Variants in C3orf20 observed in about 807,000 individuals in gnomAD.
The protein encoded by C3orf20 is uncharacterized protein C3orf20.
C3orf20 carries 76 observed loss-of-function variants against 88.3 expected under a neutral mutation model. The observed-to-expected ratio is 0.86, with a 90% CI of 0.72 to 1.04. The LOEUF is 1.04. Ranked by LOEUF, C3orf20 falls within the 50% of genes least tolerant of loss-of-function variation. The pLI, the probability that C3orf20 is intolerant of heterozygous loss-of-function variation, is 0.00. For synonymous variants in C3orf20, 436 were observed against 437.4 expected (o/e 1.00, Z 0.04); for missense variants, 1,056 against 1,123.3 (o/e 0.94, Z 0.86).
intron 12 of C3orf20, among the ~76,000 whole-genome samples, chr3:14,747,310 T>C (rs1404334815): frequency 6.6e-6 from 1 of 152,226 alleles, no homozygotes; most frequent in African/African-American, 2.4e-5. Flanking sequence ...CAGCATGAAG[T>C]TGGCAATATT....
intron 9 of C3orf20, among the ~76,000 whole-genome samples, chr3:14,718,553 A>G (rs2034024703): frequency 6.6e-6 from 1 of 152,080 alleles, no homozygotes; most frequent in African/African-American, 2.4e-5. Flanking sequence ...GCCTCTGTTG[A>G]TTATCTGTTG....
intron 9 of C3orf20, among the ~76,000 whole-genome samples, chr3:14,719,255 C>T (rs920337016): frequency 2.6e-5 from 4 of 151,900 alleles, no homozygotes; most frequent in African/African-American, 9.7e-5. Flanking sequence ...CTGAAATGCT[C>T]AGTCTAGCAT....
intron 10 of C3orf20, among the ~76,000 whole-genome samples, chr3:14,723,912 G>T (rs567187693): frequency 6.6e-6 from 1 of 151,902 alleles, no homozygotes; most frequent in Non-Finnish European, 1.5e-5. Flanking sequence ...TGCAGCCTCC[G>T]CCTCCTAGGT....
intron 15 of C3orf20, among the ~76,000 whole-genome samples, chr3:14,762,870 A>G (rs545157011): frequency 1.3e-5 from 2 of 152,240 alleles, no homozygotes; most frequent in East Asian, 1.9e-4. Context: ...GAGTGGGGCA[A>G]CCCACTTCTG....
chr3:14,713,210 G>A lies in C3orf20; in HGVS notation c.1161-797G>A, dbSNP rs184094213. ...ATTATTGTCTTTCATCAAATTTGGG[G>A]AGTTTTCAGCCATTATTTCTTTAGA... On this transcript the variant is annotated intron_variant, in intron 7 of 16. Transcript: ENST00000253697. Among the ~76,000 whole-genome samples the A allele has an allele frequency of 3.4e-3, 516 of 152,166 alleles. 1 individual carries two copies. The highest frequency in any genetic ancestry group is 5.0e-3 in the Non-Finnish European group (339 of 67,994).
intron 12 of C3orf20, among the ~76,000 whole-genome samples, chr3:14,732,302 A>G (rs1004217876): frequency 6.6e-6 from 1 of 152,194 alleles, no homozygotes; most frequent in Non-Finnish European, 1.5e-5. Flanking sequence ...TTGGTGAAGT[A>G]TCCAAGTCTT....
chr3:14,730,462 G>A (rs1417171162), intron 12 of C3orf20, among the ~76,000 whole-genome samples: 1 of 151,420 alleles, frequency 6.6e-6, no homozygotes, highest in East Asian at 2.2e-4. Context: ...CAGGAGAATG[G>A]CGTGAACCCA....
intron 10 of C3orf20, among the ~76,000 whole-genome samples, chr3:14,724,871 G>T (rs2034293641): frequency 6.6e-6 from 1 of 152,156 alleles, no homozygotes; most frequent in African/African-American, 2.4e-5. Context: ...GCATGGTTTG[G>T]CAGTGCAGTA....
intron 15 of C3orf20, chr3:14,767,564 C>G (rs2035749504): frequency 6.6e-6 from 1 of 152,240 alleles, no homozygotes; most frequent in East Asian, 1.9e-4. Context: ...GATGACTGCA[C>G]CTGTGATGAC....
chr3:14,702,394 A>AT (rs1489208358), intron 5 of C3orf20, among the ~76,000 whole-genome samples: 1 of 150,074 alleles, frequency 6.7e-6, no homozygotes, highest in Non-Finnish European at 1.5e-5. Flanking sequence ...CAGCCAAACC[A>AT]TATCATTCTG....
At chr3:14,711,638 T>C (rs1194850186) in intron 7 of C3orf20, among the ~76,000 whole-genome samples, 4 of 141,168 alleles carry the variant, frequency 2.8e-5, no homozygotes, top group African/African-American at 5.3e-5. Context: ...TTTTTTTTTT[T>C]TTTTTTTTTT....
At chr3:14,730,216 T>C (rs909075944) in intron 12 of C3orf20, among the ~76,000 whole-genome samples, 4 of 152,248 alleles carry the variant, frequency 2.6e-5, no homozygotes, top group African/African-American at 9.6e-5. Flanking sequence ...CATGTTGTTA[T>C]GTATAGCAAT....
At position 14,747,205 on chromosome 3, in the gene C3orf20, C is replaced by T. The variant is rs150659229; in HGVS notation, c.1941-10166C>T. On this transcript the variant is annotated intron_variant, in intron 12 of 16. Transcript: ENST00000253697. ...TACTGACTGAAATTTTGATTACAGC[C>T]GTTACTCTGTTCAGTGAAAAAGGTA... is the stretch of plus-strand genomic sequence containing the variant. Among the ~76,000 whole-genome samples the T allele has an allele frequency of 9.2e-5, 14 of 152,224 alleles. No homozygotes were observed. In the East Asian group the frequency reaches 2.3e-3, roughly 25 times the overall value.
intron 15 of C3orf20, among the ~76,000 whole-genome samples, chr3:14,764,498 A>ATTGTTGTTG (rs1332638785): frequency 4.7e-5 from 7 of 149,384 alleles, no homozygotes; most frequent in African/African-American, 1.8e-4. Context: ...TATTATTATT[A>ATTGTTGTTG]TTATTATTAT....
chr3:14,677,088 A>G (rs1273799165), intron 1 of C3orf20, among the ~76,000 whole-genome samples: 1 of 152,192 alleles, frequency 6.6e-6, no homozygotes, highest in Non-Finnish European at 1.5e-5. Context: ...AATTGCAGTC[A>G]CGCGCTGACA....
chr3:14,748,090 A>T (rs1234918970), intron 12 of C3orf20, among the ~76,000 whole-genome samples: 2 of 152,032 alleles, frequency 1.3e-5, no homozygotes, highest in Admixed American at 6.6e-5. Flanking sequence ...TCACAAGTGA[A>T]AATATCTAGT....
chr3:14,742,572 T>G (rs895161315), intron 12 of C3orf20, among the ~76,000 whole-genome samples: 1 of 152,242 alleles, frequency 6.6e-6, no homozygotes, highest in African/African-American at 2.4e-5. Flanking sequence ...GAGAAAGTTA[T>G]GAGAATTGGC....
Position 14,714,114 on chromosome 3 carries a change from T to A in C3orf20, c.1268T>A (p.Phe423Tyr), listed in dbSNP as rs1190997104. ...CCTGGATTCTCCTTGCTGGCCCTAT[T>A]CAATACTGAAGGCCAGGGCTGTGTT... ...DIPGFSLLAL[F>Y]NTEGQGCVHY... Residue 423 changes from phenylalanine to tyrosine, a missense_variant, in exon 8 of 17, where the codon TTC becomes TAC. Physicochemically the swap from Phe to Tyr is conservative, Grantham distance 22 (BLOSUM62 3). Transcript: ENST00000253697. 1 of 1,614,060 alleles carries A rather than the reference T, an allele frequency of 6.2e-7. No individual in the cohort carries two copies. The highest frequency in any genetic ancestry group is 1.1e-5 in the South Asian group (1 of 91,078).
intron 15 of C3orf20, among the ~76,000 whole-genome samples, chr3:14,767,968 A>G (rs1270114237): frequency 1.3e-5 from 2 of 152,274 alleles, no homozygotes; most frequent in African/African-American, 4.8e-5. Context: ...AACGCAGACC[A>G]CACTACCAAC....
Sources: gnomAD v4.1 joint callset for allele counts (sites outside exome capture counted in the v4.1 genomes callset) on GRCh38, gnomAD v4.1.1 for gene constraint, MANE v1.5 for transcripts, NCBI Gene and HGNC (gene_info 2026-07-23, HGNC 2026-07-21) for gene names.